The following SPMIP8 variants were observed in gnomAD, a reference collection of about 807,000 sequenced individuals.
The protein encoded by SPMIP8 is sperm microtubule inner protein 8, also known as testicular tissue protein Li 196.
the SPMIP8 span, chr16:57,977,959 C>G: frequency 6.2e-7 from 1 of 1,614,070 alleles, no homozygotes; most frequent in African/African-American, 1.3e-5. Context: ...GCCCTGCCCA[C>G]CCTGCGCCAC....
the SPMIP8 span, chr16:57,985,265 C>T: frequency 6.5e-7 from 1 of 1,546,390 alleles, no homozygotes; most frequent in East Asian, 2.4e-5. Flanking sequence ...CCAGACCTGG[C>T]GGGTAGGGAG....
the SPMIP8 span, among the ~76,000 whole-genome samples, chr16:57,983,128 T>C: frequency 6.6e-6 from 1 of 152,206 alleles, no homozygotes; most frequent in Non-Finnish European, 1.5e-5. Context: ...TGTTAATTTA[T>C]TTATTAAAAA....
chr16:57,987,413 C>A, the SPMIP8 span: 7 of 1,597,816 alleles, frequency 4.4e-6, no homozygotes, highest in Non-Finnish European at 5.1e-6. Flanking sequence ...AACTACCTGA[C>A]CCCCTGGCAT....
chr16:57,985,187 A>G, the SPMIP8 span: 3 of 1,504,532 alleles, frequency 2.0e-6, no homozygotes, highest in Admixed American at 2.3e-5. Flanking sequence ...AGCGCTCGAG[A>G]GGGGCTTTCT....
At chr16:57,978,219 A>T in the SPMIP8 span, among the ~76,000 whole-genome samples, 4 of 152,184 alleles carry the variant, frequency 2.6e-5, no homozygotes, top group Non-Finnish European at 5.9e-5. Context: ...GACAAGGCCT[A>T]CCTCAAAGTG....
At chr16:57,980,835 C>T in the SPMIP8 span, among the ~76,000 whole-genome samples, 1 of 152,140 alleles carries the variant, frequency 6.6e-6, no homozygotes, top group Non-Finnish European at 1.5e-5. Context: ...GCTGGGACTA[C>T]AGGCACACAC....
chr16:57,987,740 T>C, the SPMIP8 span: 1 of 326,728 alleles, frequency 3.1e-6, no homozygotes, highest in Non-Finnish European at 5.6e-6. Flanking sequence ...AGCCGCAAGG[T>C]CCAGCCAGAA....
chr16:57,981,665 G>A, the SPMIP8 span, among the ~76,000 whole-genome samples: 24 of 151,200 alleles, frequency 1.6e-4, no homozygotes, highest in Admixed American at 1.2e-3. Flanking sequence ...ACAGGCGTGT[G>A]CCACTACGCC....
At chr16:57,988,085 C>G in the SPMIP8 span, 1 of 152,304 alleles carries the variant, frequency 6.6e-6, no homozygotes, top group East Asian at 1.9e-4. Flanking sequence ...CTCTCCAAAG[C>G]ACCACCAATA....
At chr16:57,977,208 G>A in the SPMIP8 span, among the ~76,000 whole-genome samples, 3 of 151,942 alleles carry the variant, frequency 2.0e-5, no homozygotes, top group South Asian at 2.1e-4. Flanking sequence ...TCAGGAGTTC[G>A]AGACCAGCCT....
At chr16:57,976,900 G>A in the SPMIP8 span, among the ~76,000 whole-genome samples, 9 of 152,222 alleles carry the variant, frequency 5.9e-5, no homozygotes, top group African/African-American at 2.2e-4. Flanking sequence ...AGGCTCCTGG[G>A]ACTATCTGCT....
chr16:57,984,203 C>T, the SPMIP8 span: 1 of 1,229,458 alleles, frequency 8.1e-7, no homozygotes, highest in Non-Finnish European at 1.2e-6. Context: ...CGTGCCCGGC[C>T]TCAAAAAATT....
the SPMIP8 span, chr16:57,985,870 C>G: frequency 6.3e-7 from 1 of 1,591,224 alleles, no homozygotes; most frequent in Admixed American, 1.8e-5. Flanking sequence ...GAGGGTCGCC[C>G]CTTCCCATCT....
chr16:57,985,979 C>A, the SPMIP8 span: 2 of 1,580,908 alleles, frequency 1.3e-6, no homozygotes, highest in Non-Finnish European at 1.7e-6. Context: ...CAGCCAACCA[C>A]GTTCTCATCC....
the SPMIP8 span, among the ~76,000 whole-genome samples, chr16:57,981,389 A>AATTATTATTATTATT: frequency 4.5e-5 from 6 of 132,912 alleles, no homozygotes; most frequent in Non-Finnish European, 9.5e-5. Flanking sequence ...CAATAATAAT[A>AATTATTATTATTATT]ATAATTATTA....
chr16:57,978,281 C>T, the SPMIP8 span, among the ~76,000 whole-genome samples: 4 of 152,090 alleles, frequency 2.6e-5, no homozygotes, highest in Non-Finnish European at 5.9e-5. Context: ...AGAGGCTGGG[C>T]GCAGTCCCAG....
the SPMIP8 span, chr16:57,984,280 C>T: frequency 6.2e-7 from 1 of 1,613,554 alleles, no homozygotes; most frequent in Non-Finnish European, 8.5e-7. Context: ...GACACCTCTT[C>T]TCCCTTTCTC....
chr16:57,983,571 G>C, the SPMIP8 span, among the ~76,000 whole-genome samples: 1 of 151,986 alleles, frequency 6.6e-6, no homozygotes, highest in Non-Finnish European at 1.5e-5. Context: ...GCAAAGGTAA[G>C]ATGTGAATAC....
At chr16:57,980,172 TA>T in the SPMIP8 span, among the ~76,000 whole-genome samples, 1 of 152,194 alleles carries the variant, frequency 6.6e-6, no homozygotes, top group Non-Finnish European at 1.5e-5. Flanking sequence ...GCCTCCAGCT[TA>T]AGCCCAAAGA....
Sources: allele counts gnomAD v4.1 joint callset (sites outside exome capture counted in the v4.1 genomes callset), GRCh38; gene constraint gnomAD v4.1.1; transcripts MANE v1.5; gene names NCBI Gene and HGNC (gene_info 2026-07-23, HGNC 2026-07-21).